Variants in LEPROTL1 observed in about 807,000 individuals in gnomAD.
The protein encoded by LEPROTL1 is leptin receptor overlapping transcript like 1, also known as leptin receptor overlapping transcript-like 1.
A neutral mutation model predicts 15.4 loss-of-function variants in LEPROTL1; 6 were observed. The ratio of observed to expected loss-of-function variants is 0.39; its 90% confidence interval spans 0.21 to 0.77. LEPROTL1 has a LOEUF of 0.77. Among genes scored for constraint, LEPROTL1 ranks in the 30% least tolerant of loss-of-function variants. The pLI is 0.41. For missense variants in LEPROTL1, 128 were observed against 158.1 expected (o/e 0.81, Z 1.02); for synonymous variants, 56 against 52.6 (o/e 1.06, Z -0.28).
intron 1 of LEPROTL1, among the ~76,000 whole-genome samples, chr8:30,098,074 T>A (rs1802402915): frequency 6.6e-6 from 1 of 152,186 alleles, no homozygotes; most frequent in South Asian, 2.1e-4. Context: ...GTGAACATGC[T>A]TTTTGAGATT....
intron 3 of LEPROTL1, among the ~76,000 whole-genome samples, chr8:30,116,056 C>T (rs918458740): frequency 4.0e-4 from 61 of 152,240 alleles, no homozygotes; most frequent in Non-Finnish European, 7.1e-4. Flanking sequence ...GCCTGGGCAA[C>T]ATGGCAAAAC....
intron 3 of LEPROTL1, among the ~76,000 whole-genome samples, chr8:30,115,231 G>A (rs1417222849): frequency 1.3e-5 from 2 of 151,792 alleles, no homozygotes; most frequent in Non-Finnish European, 2.9e-5. Context: ...ATGTGGTGCC[G>A]CTGTGGTCCC....
chr8:30,106,192 A>C lies in LEPROTL1; in HGVS notation c.*330A>C. On this transcript the variant is annotated 3_prime_UTR_variant, in exon 4 of 4. Transcript: ENST00000321250. ...AATATGCAATGTTAAACACTTTTTT[A>C]ATGTAATCATTTGCATTGGTTAGGA... is the stretch of plus-strand genomic sequence containing the variant. The C allele has an allele frequency of 2.0e-6, 2 of 987,900 alleles. No homozygotes were observed. Among genetic ancestry groups the C allele is most frequent in the Non-Finnish European group, 2.4e-6 (2 of 831,320 alleles). The allele number at this position is 987,900 out of a possible 1,614,324, so 61.2% of individuals were successfully genotyped here.
At chr8:30,099,637 A>G (rs1180093817) in intron 1 of LEPROTL1, among the ~76,000 whole-genome samples, 1 of 150,932 alleles carries the variant, frequency 6.6e-6, no homozygotes, top group Non-Finnish European at 1.5e-5. Context: ...CAGCAAAAAA[A>G]CACTTCACTG....
Position 30,106,089 on chromosome 8 carries a change from A to C in LEPROTL1, c.*227A>C. The C allele has an allele frequency of 9.4e-7, 1 of 1,061,808 alleles. No individual in the cohort carries two copies. Among genetic ancestry groups the C allele is most frequent in the South Asian group, 4.2e-5 (1 of 23,792 alleles). The allele number at this position is 1,061,808 out of a possible 1,614,324, so 65.8% of individuals were successfully genotyped here. A position where few individuals can be genotyped will look rare whatever the true frequency, so the allele number is the denominator to read the frequency against. ...AGCTTGACTGATTTCACACTTATCTATAGTATGCTTTTTGTGGTGTCCTGC... is the reference window on the plus strand; with the variant it reads ...AGCTTGACTGATTTCACACTTATCTCTAGTATGCTTTTTGTGGTGTCCTGC... On this transcript the variant is annotated 3_prime_UTR_variant, in exon 4 of 4. Transcript: ENST00000321250.
intron 3 of LEPROTL1, 135 bp from the exon 4 acceptor site, chr8:30,105,611 C>T (rs1802551536): frequency 2.3e-6 from 1 of 428,726 alleles, no homozygotes; most frequent in Non-Finnish European, 4.2e-6. Context: ...AGTATGTGTT[C>T]AGCACTGTGA....
At chr8:30,102,014 A>G in intron 2 of LEPROTL1, 41 bp downstream of exon 2, 1 of 1,313,788 alleles carries the variant, frequency 7.6e-7, no homozygotes, top group South Asian at 1.3e-5. Context: ...TAAGGGTAAA[A>G]TTTTTCTACT....
intron 3 of LEPROTL1, among the ~76,000 whole-genome samples, chr8:30,118,019 G>GGTTGT (rs751348725): frequency 1.5e-4 from 4 of 26,772 alleles, no homozygotes; most frequent in East Asian, 1.1e-3. Context: ...TTTTTGATTT[G>GGTTGT]TTTTTTTTTT....
At chr8:30,117,502 T>C in intron 3 of LEPROTL1, 2 of 1,398,788 alleles carry the variant, frequency 1.4e-6, no homozygotes, top group South Asian at 2.3e-5. Context: ...TGGAAACAGA[T>C]TTTCTGCCAT....
chr8:30,133,938 CA>C (rs1487661793), intron 4 of LEPROTL1, among the ~76,000 whole-genome samples: 2 of 152,092 alleles, frequency 1.3e-5, no homozygotes, highest in Non-Finnish European at 2.9e-5. Flanking sequence ...AAAACTACCA[CA>C]AAAGACTGCA....
At chr8:30,097,371 T>TA (rs1281087656) in intron 1 of LEPROTL1, among the ~76,000 whole-genome samples, 39 of 151,882 alleles carry the variant, frequency 2.6e-4, no homozygotes, top group African/African-American at 8.2e-4. Context: ...TATGAATATT[T>TA]AAAAAAAATT....
At chr8:30,095,623 G>T in intron 1 of LEPROTL1, 95 bp downstream of exon 1, 2 of 1,025,662 alleles carry the variant, frequency 1.9e-6, no homozygotes, top group Admixed American at 4.3e-5. Context: ...CTCCGGGCTC[G>T]CGCGCGCGCG....
chr8:30,130,972 G>A (rs1204154697), intron 3 of LEPROTL1, among the ~76,000 whole-genome samples: 3 of 151,624 alleles, frequency 2.0e-5, no homozygotes, highest in Non-Finnish European at 4.4e-5. Flanking sequence ...AAGAGACGGG[G>A]TTTCACCATA....
intron 3 of LEPROTL1, among the ~76,000 whole-genome samples, chr8:30,131,280 A>G (rs148374739): frequency 0.12 from 3,609 of 30,316 alleles, 103 homozygotes; most frequent in Middle Eastern, 0.21. Flanking sequence ...ATGTGTGTGT[A>G]TATATATATA....
At chr8:30,121,066 G>A (rs1026918413) in intron 3 of LEPROTL1, among the ~76,000 whole-genome samples, 2 of 151,942 alleles carry the variant, frequency 1.3e-5, no homozygotes, top group African/African-American at 4.8e-5. Flanking sequence ...ATCATATAGC[G>A]TTTGTTCTTC....
At chr8:30,119,109 C>T (rs917708193) in intron 3 of LEPROTL1, among the ~76,000 whole-genome samples, 16 of 152,092 alleles carry the variant, frequency 1.1e-4, no homozygotes, top group African/African-American at 3.9e-4. Flanking sequence ...TGCATTGTGC[C>T]CCTGGTTTAT....
intron 4 of LEPROTL1, among the ~76,000 whole-genome samples, chr8:30,134,511 G>A (rs866415179): frequency 1.3e-5 from 2 of 151,518 alleles, no homozygotes. Flanking sequence ...TATTCCCACT[G>A]TAATGCCCAA....
rs71206228 is a variant in LEPROTL1 at position 30,115,539 on chromosome 8, A to ATTTTTT, written c.279+11076_279+11081dup. Among the ~76,000 whole-genome samples the ATTTTTT allele has an allele frequency of 3.5e-4, 26 of 74,382 alleles. 2 individuals are homozygous for ATTTTTT. Among genetic ancestry groups the ATTTTTT allele is most frequent in the African/African-American group, 5.6e-4 (10 of 17,904 alleles). The allele number at this position is 74,382 out of a possible 152,430, so 48.8% of individuals were successfully genotyped here. Reference sequence around the variant, plus strand: ...AGGCACGCACCACCATGCCTGGCTAATTTTTTTTTTTTTTTTTTTTTTTTT... The same window carrying ATTTTTT: ...AGGCACGCACCACCATGCCTGGCTAATTTTTTTTTTTTTTTTTTTTTTTTTTTTTTT... On this transcript the variant is annotated intron_variant, in intron 3 of 4. Coordinates refer to the LEPROTL1 transcript ENST00000442880.
chr8:30,117,442 T>C, intron 3 of LEPROTL1: 1 of 1,536,586 alleles, frequency 6.5e-7, no homozygotes, highest in East Asian at 2.2e-5. Flanking sequence ...TTCTTCATGG[T>C]CCATGATGCC....
Sources: allele counts gnomAD v4.1 joint callset (sites outside exome capture counted in the v4.1 genomes callset), GRCh38; gene constraint gnomAD v4.1.1; transcripts MANE v1.5; gene names NCBI Gene and HGNC (gene_info 2026-07-23, HGNC 2026-07-21).